Variants in HPSE2 observed in about 807,000 individuals in gnomAD.
The protein encoded by HPSE2 is heparanase 2 (inactive).
A neutral mutation model predicts 60.5 loss-of-function variants in HPSE2; 38 were observed. The observed-to-expected ratio is 0.63, with a 90% confidence interval of 0.48 to 0.82. HPSE2 has a LOEUF of 0.82. Ranked by LOEUF, HPSE2 falls within the 40% of genes least tolerant of loss-of-function variation. HPSE2 has a pLI of 0.00. For missense variants in HPSE2, 713 were observed against 740.4 expected (o/e 0.96, Z 0.43); for synonymous variants, 295 against 293.2 (o/e 1.01, Z -0.06).
intron 3 of HPSE2, among the ~76,000 whole-genome samples, chr10:99,099,349 C>T (rs372511325): frequency 2.6e-5 from 4 of 152,212 alleles, no homozygotes; most frequent in East Asian, 3.9e-4. Context: ...GATTATATCC[C>T]GCACATGGCT....
chr10:98,995,347 A>G (rs1011760594), intron 3 of HPSE2, among the ~76,000 whole-genome samples: 14 of 152,306 alleles, frequency 9.2e-5, no homozygotes, highest in African/African-American at 3.4e-4. Flanking sequence ...TGATGCCTAT[A>G]AACAATAAGC....
At chr10:98,509,050 T>G (rs1479805139) in intron 9 of HPSE2, among the ~76,000 whole-genome samples, 5 of 152,184 alleles carry the variant, frequency 3.3e-5, no homozygotes, top group African/African-American at 1.2e-4. Context: ...GCGCGGTGGC[T>G]CATGCCTGTA....
intron 10 of HPSE2, among the ~76,000 whole-genome samples, chr10:98,489,444 C>T (rs910781401): frequency 6.6e-6 from 1 of 152,210 alleles, no homozygotes; most frequent in African/African-American, 2.4e-5. Flanking sequence ...GTCCAGAGCC[C>T]TCAGAAAAGG....
chr10:98,854,547 T>C (rs1475870609), intron 3 of HPSE2, among the ~76,000 whole-genome samples: 1 of 152,152 alleles, frequency 6.6e-6, no homozygotes, highest in African/African-American at 2.4e-5. Context: ...TTAATTGGCA[T>C]TCACCAAACA....
At chr10:99,143,699 T>C (rs1020905730) in intron 3 of HPSE2, among the ~76,000 whole-genome samples, 2 of 152,216 alleles carry the variant, frequency 1.3e-5, no homozygotes, top group Non-Finnish European at 2.9e-5. Context: ...TTGATTCTCC[T>C]TGTAGCTCTG....
intron 3 of HPSE2, among the ~76,000 whole-genome samples, chr10:98,824,917 C>T (rs926019919): frequency 7.2e-5 from 11 of 152,150 alleles, no homozygotes; most frequent in South Asian, 4.1e-4. Flanking sequence ...TGTTTCATAA[C>T]GGTAAACATG....
chr10:98,703,268 T>C (rs1948459446), intron 5 of HPSE2, among the ~76,000 whole-genome samples: 1 of 152,086 alleles, frequency 6.6e-6, no homozygotes, highest in African/African-American at 2.4e-5. Flanking sequence ...CAATAGCAAG[T>C]ACTGAAATTT....
intron 3 of HPSE2, among the ~76,000 whole-genome samples, chr10:98,905,308 C>A (rs1417075020): frequency 1.3e-5 from 2 of 148,748 alleles, no homozygotes; most frequent in African/African-American, 4.9e-5. Context: ...TATCCCTCCC[C>A]CCTCCCCCGA....
chr10:98,474,593 A>T (rs948342928), intron 11 of HPSE2, among the ~76,000 whole-genome samples: 1 of 152,214 alleles, frequency 6.6e-6, no homozygotes, highest in Non-Finnish European at 1.5e-5. Flanking sequence ...GGTGAAATGA[A>T]AGCAAAAGTT....
chr10:98,739,459 A>G (rs1028241232), intron 4 of HPSE2, among the ~76,000 whole-genome samples: 1 of 151,414 alleles, frequency 6.6e-6, no homozygotes, highest in African/African-American at 2.4e-5. Flanking sequence ...AAAAAAAAAA[A>G]GAAGAAGAAA....
intron 3 of HPSE2, among the ~76,000 whole-genome samples, chr10:98,767,688 T>A (rs905440110): frequency 6.9e-6 from 1 of 145,736 alleles, no homozygotes; most frequent in Non-Finnish European, 1.5e-5. Flanking sequence ...ATTATATCAA[T>A]ATTTTTATAC....
intron 2 of HPSE2, among the ~76,000 whole-genome samples, chr10:99,168,585 T>A (rs1447432766): frequency 2.0e-5 from 3 of 152,222 alleles, no homozygotes; most frequent in African/African-American, 4.8e-5. Flanking sequence ...AACTCTTGAG[T>A]TTCTGCACTC....
At chr10:98,756,217 A>T (rs1156315300) in intron 3 of HPSE2, among the ~76,000 whole-genome samples, 2 of 152,130 alleles carry the variant, frequency 1.3e-5, no homozygotes, top group African/African-American at 4.8e-5. Context: ...CCACATGAAA[A>T]AGGTAGAAAT....
intron 3 of HPSE2, among the ~76,000 whole-genome samples, chr10:99,026,633 T>C (rs1957384221): frequency 7.1e-6 from 1 of 140,516 alleles, no homozygotes; most frequent in Non-Finnish European, 1.5e-5. Flanking sequence ...ATCTGAGATA[T>C]TTACAGAACA....
chr10:99,246,676 G>T, the HPSE2 span, among the ~76,000 whole-genome samples: 1 of 151,088 alleles, frequency 6.6e-6, no homozygotes, highest in Non-Finnish European at 1.5e-5. Context: ...AAACCAGGGA[G>T]GCAGAGGTTG....
intron 9 of HPSE2, among the ~76,000 whole-genome samples, chr10:98,570,331 T>C (rs1293379389): frequency 6.6e-6 from 1 of 152,216 alleles, no homozygotes; most frequent in Non-Finnish European, 1.5e-5. Flanking sequence ...GCCTTCATGG[T>C]ACAGCACAAT....
intron 3 of HPSE2, among the ~76,000 whole-genome samples, chr10:98,911,910 C>T (rs916666788): frequency 6.6e-6 from 1 of 152,040 alleles, no homozygotes; most frequent in African/African-American, 2.4e-5. Context: ...AGTTATTTGA[C>T]CTTGAGAAAC....
chr10:98,583,106 C>T (rs1454638678), intron 9 of HPSE2, among the ~76,000 whole-genome samples: 1 of 152,174 alleles, frequency 6.6e-6, no homozygotes, highest in African/African-American at 2.4e-5. Context: ...ACTGCATCAG[C>T]CTGCTATTGA....
intron 2 of HPSE2, among the ~76,000 whole-genome samples, chr10:99,175,911 C>T (rs935725602): frequency 1.3e-5 from 2 of 152,200 alleles, no homozygotes; most frequent in African/African-American, 4.8e-5. Flanking sequence ...TGGAATGAAG[C>T]TTCCAGAGGA....
Sources: allele counts gnomAD v4.1 joint callset (sites outside exome capture counted in the v4.1 genomes callset), GRCh38; gene constraint gnomAD v4.1.1; transcripts MANE v1.5; gene names NCBI Gene and HGNC (gene_info 2026-07-23, HGNC 2026-07-21).